NWD2: variants seen among roughly 807,000 people sequenced by gnomAD.
The protein encoded by NWD2 is NACHT and WD repeat domain containing 2.
In NWD2, 37 loss-of-function variants were observed where a neutral mutation model predicts 132.7. That is an observed-to-expected ratio of 0.28 (90% CI 0.21 to 0.37). NWD2 has a LOEUF of 0.37. Among genes scored for constraint, NWD2 ranks in the 10% least tolerant of loss-of-function variants. The pLI is 1.00. For synonymous variants in NWD2, 705 were observed against 803.0 expected (o/e 0.88, Z 2.06); for missense variants, 1,592 against 2,122.4 (o/e 0.75, Z 4.91).
At chr4:37,420,425 C>T (rs968699879) in intron 3 of NWD2, among the ~76,000 whole-genome samples, 6 of 152,214 alleles carry the variant, frequency 3.9e-5, no homozygotes, top group African/African-American at 1.4e-4. Context: ...GTGGCTCACA[C>T]CTATAATCTC....
intron 3 of NWD2, among the ~76,000 whole-genome samples, chr4:37,382,993 C>A (rs761745902): frequency 1.6e-4 from 25 of 152,002 alleles, no homozygotes; most frequent in Non-Finnish European, 3.2e-4. Flanking sequence ...CGCACCCGGC[C>A]GCCTGAAAAA....
intron 2 of NWD2, among the ~76,000 whole-genome samples, chr4:37,354,222 T>A (rs1488158596): frequency 6.6e-6 from 1 of 152,152 alleles, no homozygotes; most frequent in Non-Finnish European, 1.5e-5. Flanking sequence ...GGAAGCTTCA[T>A]CCCAGAGGGG....
intron 3 of NWD2, among the ~76,000 whole-genome samples, chr4:37,359,376 G>A (rs761251066): frequency 5.3e-5 from 8 of 152,080 alleles, no homozygotes; most frequent in Admixed American, 1.3e-4. Flanking sequence ...GTATCTCACA[G>A]CTTATAGAAA....
At position 37,446,553 on chromosome 4, in the gene NWD2, A is replaced by G; in HGVS notation, c.4565A>G (p.Asn1522Ser). The change falls in exon 7 of 7, where the codon AAC (asparagine) becomes AGC (serine). Residue 1522 changes from asparagine to serine, a missense_variant. Coordinates refer to ENST00000309447, the MANE Select transcript of NWD2 (RefSeq NM_001144990.2). The surrounding 1 kb of genome is among the most constrained non-coding windows in gnomAD (Gnocchi z 6.7). ...VICRRVQLPN[N>S]FLKNLEDFEI... is the part of the protein sequence containing the mutation. ...TGTCGGCGCGTGCAACTTCCAAACA[A>G]CTTCTTGAAAAATCTGGAGGACTTT... 6.4e-7 allele frequency: 1 copy of G among 1,551,770 alleles called. No homozygotes were observed. Among genetic ancestry groups the G allele is most frequent in the Non-Finnish European group, 8.7e-7 (1 of 1,147,012 alleles).
chr4:37,301,233 G>A (rs1026601917), intron 1 of NWD2, among the ~76,000 whole-genome samples: 1 of 152,024 alleles, frequency 6.6e-6, no homozygotes, highest in African/African-American at 2.4e-5. Flanking sequence ...TTCTCTGGCT[G>A]TTTCTAAGAT....
chr4:37,420,155 T>C (rs563617454), intron 3 of NWD2, among the ~76,000 whole-genome samples: 72 of 152,356 alleles, frequency 4.7e-4, no homozygotes, highest in African/African-American at 1.6e-3. Context: ...TCTTTTTGCA[T>C]ATATGAGTTA....
chr4:37,317,378 G>A (rs1165625318), intron 1 of NWD2, among the ~76,000 whole-genome samples: 4 of 152,088 alleles, frequency 2.6e-5, no homozygotes, highest in East Asian at 3.8e-4. Flanking sequence ...GTTACATTTC[G>A]ATGAAGCCAT....
intron 2 of NWD2, among the ~76,000 whole-genome samples, chr4:37,334,672 G>C (rs1719363851): frequency 6.6e-6 from 1 of 152,082 alleles, no homozygotes; most frequent in Non-Finnish European, 1.5e-5. Context: ...ACCTCTAAAG[G>C]GGGTGTTTAG....
intron 2 of NWD2, among the ~76,000 whole-genome samples, chr4:37,333,240 G>C (rs1719330672): frequency 6.6e-6 from 1 of 152,154 alleles, no homozygotes; most frequent in South Asian, 2.1e-4. Flanking sequence ...GTCCTTGAGT[G>C]AACGTAGGCA....
At chr4:37,328,332 G>A (rs1051816815) in intron 2 of NWD2, among the ~76,000 whole-genome samples, 1 of 151,960 alleles carries the variant, frequency 6.6e-6, no homozygotes, top group Non-Finnish European at 1.5e-5. Context: ...TACCATGGTG[G>A]TTTGCTGCAC....
Position 37,443,912 on chromosome 4 carries a change from A to G in NWD2, c.1924A>G (p.Ile642Val), listed in dbSNP as rs944510238. 2 of 1,552,390 alleles carry G rather than the reference A, an allele frequency of 1.3e-6. No homozygotes were observed. Among genetic ancestry groups the G allele is most frequent in the Admixed American group, 2.0e-5 (1 of 51,014 alleles). ...SSLSVTVHES[I>V]EQLFWSLEKK... ...CCTCTCTGTCACCGTTCATGAAAGT[A>G]TAGAGCAGTTATTCTGGTCCTTGGA... Residue 642 changes from isoleucine to valine, a missense_variant, in exon 7 of 7, where the codon ATA becomes GTA. Ile to Val is a conservative substitution (Grantham distance 29). Transcript: ENST00000309447. This position sits in a 1 kb window ranked among gnomAD's most constrained non-coding sequence, Gnocchi z 4.1.
chr4:37,359,580 A>C (rs1245289778), intron 3 of NWD2, among the ~76,000 whole-genome samples: 1 of 151,182 alleles, frequency 6.6e-6, no homozygotes, highest in Non-Finnish European at 1.5e-5. Flanking sequence ...TTTGGCAAGG[A>C]AATTCACCAC....
rs1287835568 is a variant in NWD2, at chr4:37,245,121, C to G, written c.54C>G (p.Leu18=). 3 of 1,547,806 alleles carry G rather than the reference C, an allele frequency of 1.9e-6. No individual in the cohort carries two copies. Among genetic ancestry groups the G allele is most frequent in the Non-Finnish European group, 2.6e-6 (3 of 1,146,642 alleles). Residue 18 remains leucine (L), a synonymous_variant, in exon 1 of 7, where the codon CTC becomes CTG. Transcript: ENST00000309447. ...TGCCCTGTCCCCGAGACTCTGCGCT[C>G]CGGCGGGCGGCTTTCTCTGGGAACC... The part of the protein sequence containing the change: ...TKLPCPRDSA[L]RRAAFSGNLT...
chr4:37,266,047 T>C (rs1033538746), intron 1 of NWD2, among the ~76,000 whole-genome samples: 2 of 152,120 alleles, frequency 1.3e-5, no homozygotes, highest in African/African-American at 4.8e-5. Flanking sequence ...TCATTCCTTC[T>C]GGCTACCGTC....
chr4:37,395,472 C>A (rs1436568286), intron 3 of NWD2, among the ~76,000 whole-genome samples: 1 of 146,914 alleles, frequency 6.8e-6, no homozygotes, highest in Admixed American at 6.9e-5. Context: ...CAGTCCAAAT[C>A]AAAATGTCAG....
At chr4:37,292,550 C>A (rs75154169) in intron 1 of NWD2, among the ~76,000 whole-genome samples, 3 of 152,102 alleles carry the variant, frequency 2.0e-5, no homozygotes, top group Non-Finnish European at 2.9e-5. Flanking sequence ...TGTGTTATAG[C>A]GGCCTGAATG....
In NWD2 at chr4:37,444,589, T is replaced by C. The variant is rs1712580101; in HGVS notation, c.2601T>C (p.Ile867=). Residue 867 remains isoleucine, a synonymous_variant, in exon 7 of 7, where the codon ATT becomes ATC. Transcript: ENST00000309447. The surrounding 1 kb of genome is among the most constrained non-coding windows in gnomAD (Gnocchi z 4.8). ...GCTGGCTTTATACCATGATCAAAAT[T>C]GGCCAGTTTGACAAAGTGCTTTCAG... ...NFSWLYTMIK[I]GQFDKVLSDI... 2 of 1,551,962 alleles carry C rather than the reference T, an allele frequency of 1.3e-6. No homozygotes were observed. Among genetic ancestry groups the C allele is most frequent in the South Asian group, 1.2e-5 (1 of 84,048 alleles).
intron 3 of NWD2, among the ~76,000 whole-genome samples, chr4:37,427,725 C>T (rs114394745): frequency 0.019 from 2,865 of 152,274 alleles, 85 homozygotes; most frequent in African/African-American, 0.065. Flanking sequence ...GAGGCCAGTA[C>T]TGAGGAGGCT....
intron 1 of NWD2, among the ~76,000 whole-genome samples, chr4:37,252,753 C>T (rs867295818): frequency 7.9e-5 from 12 of 152,168 alleles, no homozygotes; most frequent in South Asian, 2.1e-4. Context: ...TTTCAGGAGT[C>T]CAGCCCAAGA....
Sources: gnomAD v4.1 joint callset for allele counts (sites outside exome capture counted in the v4.1 genomes callset) on GRCh38, gnomAD v4.1.1 for gene constraint, Gnocchi (gnomAD v3.1) non-coding constraint, MANE v1.5 for transcripts, NCBI Gene and HGNC (gene_info 2026-07-23, HGNC 2026-07-21) for gene names.